GBF1: variants seen among roughly 807,000 people sequenced by gnomAD.
The protein encoded by GBF1 is Golgi-specific brefeldin A-resistance guanine nucleotide exchange factor 1.
Under a neutral mutation model 210.5 loss-of-function variants are expected in GBF1, and 114 were observed. That is an observed-to-expected ratio of 0.54 (90% CI 0.47 to 0.63). The LOEUF (loss-of-function observed/expected upper bound fraction) is 0.63. Among genes scored for constraint, GBF1 ranks in the 30% least tolerant of loss-of-function variants. The pLI is 0.00. For synonymous variants in GBF1, 850 were observed against 889.2 expected (o/e 0.96, Z 0.78); for missense variants, 1,851 against 2,357.7 (o/e 0.79, Z 4.45).
At chr10:102,282,723 G>C (rs1377959614) in intron 3 of GBF1, among the ~76,000 whole-genome samples, 1 of 152,190 alleles carries the variant, frequency 6.6e-6, no homozygotes, top group Non-Finnish European at 1.5e-5. Flanking sequence ...TCTGCTGAGA[G>C]TATAGCATGA....
chr10:102,378,583 A>C (rs1379579544), intron 33 of GBF1, among the ~76,000 whole-genome samples: 3 of 152,168 alleles, frequency 2.0e-5, no homozygotes, highest in Non-Finnish European at 4.4e-5. Context: ...GGAGGCAGTG[A>C]GCCATGATGG....
At chr10:102,380,104 A>G in intron 36 of GBF1, 145 bp from the exon 37 acceptor site, 1 of 743,742 alleles carries the variant, frequency 1.3e-6, no homozygotes, top group South Asian at 1.6e-5. Flanking sequence ...GGGACCTGAG[A>G]GGATTCTGAA....
chr10:102,361,764 A>G lies in GBF1; in HGVS notation c.1538A>G (p.Lys513Arg), dbSNP rs541474742. The change falls in exon 14 of 40, where the codon AAG becomes AGG. Residue 513 changes from lysine to arginine, a missense_variant. Around this residue, in one of 3 missense-constraint regions of GBF1, gnomAD observed 804 missense variants for 958.6 expected, o/e 0.84. Coordinates refer to ENST00000369983, the MANE Select transcript of GBF1 (RefSeq NM_001377137.1). ...LMEIITVENPKMPYEMKEMAL... is the reference protein window; with the variant it reads ...LMEIITVENPRMPYEMKEMAL... ...GAGATCATCACTGTGGAGAACCCCA[A>G]GATGCCTTATGAGATGAAGGAGATG... The G allele has an allele frequency of 1.1e-5, 17 of 1,612,708 alleles. No individual in the cohort carries two copies. The East Asian group carries it at 1.6e-4, about 15-fold the overall frequency.
intron 3 of GBF1, among the ~76,000 whole-genome samples, chr10:102,280,114 C>A (rs775799876): frequency 3.2e-4 from 48 of 149,542 alleles, no homozygotes; most frequent in Non-Finnish European, 6.7e-4. Context: ...ACAGAGGAGT[C>A]CCTGTCTTAA....
At chr10:102,343,673 C>T (rs2058342827) in intron 3 of GBF1, among the ~76,000 whole-genome samples, 1 of 151,704 alleles carries the variant, frequency 6.6e-6, no homozygotes, top group Admixed American at 6.6e-5. Context: ...ACAAAATTAG[C>T]CGGGCATGGT....
At chr10:102,279,039 GT>G (rs1439675334) in intron 3 of GBF1, among the ~76,000 whole-genome samples, 1 of 152,092 alleles carries the variant, frequency 6.6e-6, no homozygotes, top group African/African-American at 2.4e-5. Context: ...CCAATTTCTG[GT>G]TGCAGTTATG....
At position 102,287,344 on chromosome 10, in the gene GBF1, C is replaced by CTT. The variant is rs763880492; in HGVS notation, c.163+27254_163+27255dup. The stretch of plus-strand genomic sequence containing the variant: ...CACACAGTTTCTTTTATTTTATTTT[C>CTT]TTTTTTTTTTTTTTTTTTTTTTTTT... On this transcript the variant is annotated intron_variant, in intron 3 of 39. Coordinates refer to ENST00000369983, the MANE Select transcript of GBF1 (RefSeq NM_001377137.1). 6.3e-4 allele frequency among the ~76,000 whole-genome samples: 44 copies of CTT among 69,520 alleles called. 1 individual carries two copies. The highest frequency in any genetic ancestry group is 2.1e-3 in the African/African-American group (31 of 14,774). The allele number at this position is 69,520 out of a possible 152,430, so 45.6% of individuals were successfully genotyped here.
intron 22 of GBF1, 142 bp from the exon 23 acceptor site, chr10:102,368,597 A>T: frequency 1.2e-6 from 1 of 801,542 alleles, no homozygotes; most frequent in Non-Finnish European, 2.1e-6. Context: ...AAGCTTGGGT[A>T]GGCTCAGTCT....
intron 3 of GBF1, among the ~76,000 whole-genome samples, chr10:102,324,912 C>T (rs1457899349): frequency 6.6e-6 from 1 of 152,110 alleles, no homozygotes; most frequent in Non-Finnish European, 1.5e-5. Flanking sequence ...TCCATTTTCT[C>T]ATCTGCAAAA....
intron 13 of GBF1, 30 bp from the exon 14 acceptor site, chr10:102,361,688 C>G: frequency 6.8e-7 from 1 of 1,479,260 alleles, no homozygotes; most frequent in Non-Finnish European, 9.1e-7. Context: ...CCTTTCCCCA[C>G]CCAAATGGCA....
In GBF1 at chr10:102,360,338, C is replaced by T. The variant is rs1398336832; in HGVS notation, c.1335C>T (p.Ala445=). 1.9e-6 allele frequency: 3 copies of T among 1,613,714 alleles called. No homozygotes were observed. Among genetic ancestry groups the T allele is most frequent in the Non-Finnish European group, 2.5e-6 (3 of 1,179,772 alleles). Residue 445 remains alanine, a synonymous_variant, in exon 12 of 40, where the codon GCC becomes GCT. Transcript: ENST00000369983. ...TGGCCCTTGAGTCAGCCCCTGTAGC[C>T]CAGTGCCAGACCCTCTTGGGCCTCA... ...LTVALESAPV[A]QCQTLLGLIK... is the part of the protein sequence containing the mutation.
At chr10:102,262,299 G>C (rs947000465) in intron 3 of GBF1, among the ~76,000 whole-genome samples, 12 of 152,132 alleles carry the variant, frequency 7.9e-5, no homozygotes, top group African/African-American at 2.7e-4. Context: ...GGCCTGTACC[G>C]ACTGGTACTT....
intron 3 of GBF1, among the ~76,000 whole-genome samples, chr10:102,281,840 C>T (rs573191414): frequency 4.6e-5 from 7 of 151,768 alleles, no homozygotes; most frequent in African/African-American, 1.7e-4. Context: ...TCTAGGATAC[C>T]ACATTACATT....
Position 102,362,585 on chromosome 10 carries a change from C to T in GBF1, c.1797C>T (p.Asn599=). ...CCCACTGCCAGGCTAAAGTCCTCAA[C>T]AGCCTCACCCAGCAAGAGAAGAAGG... ...TEAHCQAKVL[N]SLTQQEKKET... Residue 599 remains asparagine, a synonymous_variant, in exon 15 of 40, where the codon AAC becomes AAT. Transcript: ENST00000369983. The T allele has an allele frequency of 6.2e-7, 1 of 1,614,166 alleles. No homozygotes were observed. Among genetic ancestry groups the T allele is most frequent in the Non-Finnish European group, 8.5e-7 (1 of 1,179,970 alleles).
At position 102,366,498 on chromosome 10, in the gene GBF1, C is replaced by T. The variant is rs761451534; in HGVS notation, c.2425C>T (p.Arg809Cys). 1.2e-5 allele frequency: 20 copies of T among 1,611,578 alleles called. No homozygotes were observed. Among genetic ancestry groups the T allele is most frequent in the South Asian group, 3.3e-5 (3 of 91,032 alleles). ...IQRLLEAFTE[R>C]WMNCNGSPFA... ...GAGGTTGCTGGAGGCATTCACAGAG[C>T]GTTGGATGGTGAGTTTGAGTGTCAG... The change falls in exon 19 of 40, where the codon CGT becomes TGT. Residue 809 changes from arginine to cysteine, a missense_variant. This residue lies in a region of GBF1 where 80 missense variants were observed against 151.4 expected (regional missense o/e 0.53). Coordinates refer to ENST00000369983, the MANE Select transcript of GBF1 (RefSeq NM_001377137.1). This position sits in a 1 kb window ranked among gnomAD's most constrained non-coding sequence, Gnocchi z 4.0.
chr10:102,362,050 C>CTTTTTTTTTTTTTTTTTT (rs1164670758), intron 14 of GBF1, 138 bp downstream of exon 14: 5 of 124,748 alleles, frequency 4.0e-5, no homozygotes, highest in African/African-American at 1.0e-4. Context: ...CTTTTCTTTT[C>CTTTTTTTTTTTTTTTTTT]TTTTTTTTTT....
the GBF1 span, among the ~76,000 whole-genome samples, chr10:102,232,327 G>A: frequency 6.6e-6 from 1 of 152,178 alleles, no homozygotes; most frequent in Non-Finnish European, 1.5e-5. Flanking sequence ...TTCGTTTACT[G>A]CTGGGAACTA....
At chr10:102,281,535 A>G (rs2075477929) in intron 3 of GBF1, among the ~76,000 whole-genome samples, 1 of 149,886 alleles carries the variant, frequency 6.7e-6, no homozygotes, top group Non-Finnish European at 1.5e-5. Context: ...TATAATCTAT[A>G]AATTATATTT....
At chr10:102,326,372 G>A (rs1360018000) in intron 3 of GBF1, among the ~76,000 whole-genome samples, 1 of 152,164 alleles carries the variant, frequency 6.6e-6, no homozygotes, top group African/African-American at 2.4e-5. Context: ...TGCCCAAGGG[G>A]CACTGAGGTG....
Sources: allele counts gnomAD v4.1 joint callset (sites outside exome capture counted in the v4.1 genomes callset), GRCh38; gene constraint gnomAD v4.1.1; regional missense constraint gnomAD v4.1.1; non-coding constraint Gnocchi (gnomAD v3.1); transcripts MANE v1.5; gene names NCBI Gene and HGNC (gene_info 2026-07-23, HGNC 2026-07-21).